The following CWC25 variants were observed in gnomAD, a reference collection of about 807,000 sequenced individuals.
The protein encoded by CWC25 is CWC25 spliceosome associated protein.
Under a neutral mutation model 54.6 loss-of-function variants are expected in CWC25, and 31 were observed. The ratio of observed to expected loss-of-function variants is 0.57; its 90% CI spans 0.43 to 0.77. The LOEUF (loss-of-function observed/expected upper bound fraction) is 0.77, where lower values mean the gene tolerates loss of function less well. Ranked by LOEUF, CWC25 falls within the 30% of genes least tolerant of loss-of-function variation. The pLI, the probability that CWC25 is intolerant of heterozygous loss-of-function variation, is 0.00. For missense variants in CWC25, 453 were observed against 529.3 expected, an observed-to-expected ratio of 0.86 and a Z score of 1.41; for synonymous variants, 151 against 187.0, an observed-to-expected ratio of 0.81 and a Z score of 1.57.
At chr17:38,806,271 G>A in intron 8 of CWC25, 26 bp downstream of exon 8, 5 of 1,581,636 alleles carry the variant, frequency 3.2e-6, no homozygotes, top group Non-Finnish European at 4.3e-6. Context: ...GCAAAATGTG[G>A]TTAATCAACT....
intron 3 of CWC25, among the ~76,000 whole-genome samples, chr17:38,813,124 G>A (rs1366701429): frequency 2.0e-5 from 3 of 151,500 alleles, no homozygotes; most frequent in Non-Finnish European, 4.4e-5. Context: ...TCCAGCCTGG[G>A]TGACACAGCA....
chr17:38,809,179 G>A (rs965958296), intron 6 of CWC25, among the ~76,000 whole-genome samples: 1 of 151,718 alleles, frequency 6.6e-6, no homozygotes, highest in African/African-American at 2.4e-5. Flanking sequence ...TGTAATCCCA[G>A]CACTTTGGGA....
At chr17:38,824,069 G>A (rs1055349093) in intron 1 of CWC25, among the ~76,000 whole-genome samples, 1 of 152,170 alleles carries the variant, frequency 6.6e-6, no homozygotes, top group African/African-American at 2.4e-5. Context: ...ATGGAGTCCT[G>A]GCACTCACTG....
rs751111766 is a variant in CWC25 at position 38,820,992 on chromosome 17, G to A, written c.100C>T (p.Arg34Trp). The change falls in exon 2 of 10, where the codon CGG (arginine) becomes TGG (tryptophan). Residue 34 changes from arginine to tryptophan, a missense_variant. Arg to Trp is a moderately radical substitution (Grantham distance 101). Around this residue, in one of 2 missense-constraint regions of CWC25, gnomAD observed 444 missense variants for 499.2 expected, o/e 0.89. Coordinates refer to ENST00000614790, the MANE Select transcript of CWC25 (RefSeq NM_017748.5). ...WKAEQKHEAE[R>W]KKIEELQREL... ...CGCTGAAGCTCCTCAATCTTCTTCC[G>A]CTCAGCCTCATGCTTCTGCTCGGCC... 15 of 1,613,708 alleles carry A rather than the reference G, an allele frequency of 9.3e-6. No homozygotes were observed. The highest frequency in any genetic ancestry group is 1.3e-5 in the Non-Finnish European group (15 of 1,179,898).
In CWC25 at chr17:38,801,815, G is replaced by C; in HGVS notation, c.*277C>G. ...GCATGATAAACATCACAACCCCAGGGAACAGCCTTCCAGAGTGGCACAAGC... is the reference window on the plus strand; with the variant it reads ...GCATGATAAACATCACAACCCCAGGCAACAGCCTTCCAGAGTGGCACAAGC... On this transcript the variant is annotated 3_prime_UTR_variant, in exon 10 of 10. Transcript: ENST00000614790. 1 of 318,512 alleles carries C rather than the reference G, an allele frequency of 3.1e-6. No homozygotes were observed. The highest frequency in any genetic ancestry group is 4.9e-5 in the Admixed American group (1 of 20,398). The allele number at this position is 318,512 out of a possible 1,614,324, so 19.7% of individuals were successfully genotyped here.
intron 7 of CWC25, 128 bp from the exon 8 acceptor site, chr17:38,806,523 G>A (rs1316800627): frequency 2.2e-6 from 2 of 889,328 alleles, no homozygotes; most frequent in African/African-American, 3.4e-5. Flanking sequence ...AAAAACAAAG[G>A]TATAGGGTTT....
chr17:38,802,914 A>G, intron 8 of CWC25, 53 bp from the exon 9 acceptor site: 2 of 1,605,954 alleles, frequency 1.2e-6, no homozygotes, highest in East Asian at 4.5e-5. Context: ...AAAAACCAGA[A>G]GCAGCACAAG....
At chr17:38,815,174 A>G (rs1254031312) in intron 2 of CWC25, 77 bp from the exon 3 acceptor site, 12 of 1,296,830 alleles carry the variant, frequency 9.3e-6, no homozygotes, top group Non-Finnish European at 1.3e-5. Context: ...AAACCTGGAC[A>G]CAAGGGAGAG....
In CWC25 at chr17:38,811,183, A is replaced by T. The variant is rs562594966; in HGVS notation, c.499-588T>A. ...GAGGCAGAGGTTGCAGTGAGCTGAGATCACGCCACTGCACTCCAGCAGCCT... is the reference window on the plus strand; with the variant it reads ...GAGGCAGAGGTTGCAGTGAGCTGAGTTCACGCCACTGCACTCCAGCAGCCT... On this transcript the variant is annotated intron_variant, in intron 4 of 9. Coordinates refer to ENST00000614790, the MANE Select transcript of CWC25 (RefSeq NM_017748.5). Among the ~76,000 whole-genome samples, 7 of 151,946 alleles carry T rather than the reference A, an allele frequency of 4.6e-5. No homozygotes were observed. In the South Asian group the frequency reaches 1.5e-3, roughly 32 times the overall value.
Position 38,800,835 on chromosome 17 carries a change from G to A in CWC25, c.*1257C>T, listed in dbSNP as rs1910982490. The A allele has an allele frequency of 6.6e-6, 1 of 152,240 alleles. No individual in the cohort carries two copies. Among genetic ancestry groups the A allele is most frequent in the South Asian group, 2.1e-4 (1 of 4,830 alleles). 9.4% of individuals were successfully genotyped at this position (152,240 alleles called of 1,614,324 possible). ...ATCTCGCTCTGTCACCCAGGCTGGA[G>A]TGCGGTGGCACAATCTCGGCTCACT... On this transcript the variant is annotated 3_prime_UTR_variant, in exon 10 of 10. Coordinates refer to ENST00000614790, the MANE Select transcript of CWC25 (RefSeq NM_017748.5).
chr17:38,817,537 C>A (rs1181673304), intron 2 of CWC25, among the ~76,000 whole-genome samples: 1 of 152,030 alleles, frequency 6.6e-6, no homozygotes, highest in African/African-American at 2.4e-5. Context: ...GCCTGTAATC[C>A]CAGCACTTTG....
rs982902490 is a variant in CWC25 at position 38,825,311 on chromosome 17, A to C, written c.-128T>G. On this transcript the variant is annotated 5_prime_UTR_variant, in exon 1 of 10. Transcript: ENST00000614790. ...CCAGGAGCCGTCAACTGCCAGTTTC[A>C]CCACCGCTCTAGAGGTCACTTCCGG... The C allele has an allele frequency of 1.0e-5, 10 of 978,276 alleles. No individual in the cohort carries two copies. Among genetic ancestry groups the C allele is most frequent in the African/African-American group, 6.6e-5 (4 of 60,232 alleles). The allele number at this position is 978,276 out of a possible 1,614,324, so 60.6% of individuals were successfully genotyped here.
At position 38,802,063 on chromosome 17, in the gene CWC25, AG is replaced by A. The variant is rs1228972452; in HGVS notation, c.*28del. 2 of 1,445,138 alleles carry A rather than the reference AG, an allele frequency of 1.4e-6. No homozygotes were observed. The highest frequency in any genetic ancestry group is 1.9e-6 in the Non-Finnish European group (2 of 1,030,132). 89.5% of individuals were successfully genotyped at this position (1,445,138 alleles called of 1,614,324 possible). On this transcript the variant is annotated 3_prime_UTR_variant, in exon 10 of 10. Coordinates refer to ENST00000614790, the MANE Select transcript of CWC25 (RefSeq NM_017748.5). ...GGTCAGCAGCTTCCCTGGAAAATGC[AG>A]GAAAACCAATAAGAGAGGGGACAGT...
intron 1 of CWC25, among the ~76,000 whole-genome samples, chr17:38,822,818 G>A (rs1911977079): frequency 6.6e-6 from 1 of 151,898 alleles, no homozygotes; most frequent in African/African-American, 2.4e-5. Context: ...CCATGTAAAG[G>A]GATTACAGGC....
At chr17:38,821,427 A>C (rs372267157) in intron 1 of CWC25, among the ~76,000 whole-genome samples, 1 of 152,138 alleles carries the variant, frequency 6.6e-6, no homozygotes. Flanking sequence ...GCGTGGTGGC[A>C]GGTGCGCCTG....
chr17:38,809,743 A>G lies in CWC25; in HGVS notation c.649T>C (p.Ser217Pro), dbSNP rs1911408327. 4 of 1,613,856 alleles carry G rather than the reference A, an allele frequency of 2.5e-6. No homozygotes were observed. Among genetic ancestry groups the G allele is most frequent in the Non-Finnish European group, 3.4e-6 (4 of 1,179,848 alleles). ...AGRSQKKMAN[S>P]SPVLSKVPGY... ...GGGACTTTGGACAAAACAGGGGAGG[A>G]ATTTGCCATCTTCTTCTGTGATCTA... is the stretch of plus-strand genomic sequence containing the variant. The change falls in exon 6 of 10, where the codon TCC becomes CCC. Residue 217 changes from serine (S) to proline (P), a missense_variant. This residue lies in a region of CWC25 where 444 missense variants were observed against 499.2 expected (regional missense o/e 0.89). Transcript: ENST00000614790.
intron 3 of CWC25, among the ~76,000 whole-genome samples, chr17:38,814,510 G>T (rs1007129560): frequency 3.3e-5 from 5 of 151,580 alleles, no homozygotes; most frequent in Non-Finnish European, 7.4e-5. Context: ...GGAGGCCGAG[G>T]CGGGCGGATC....
intron 5 of CWC25, chr17:38,810,182 C>A: frequency 2.2e-6 from 1 of 458,034 alleles, no homozygotes. Context: ...AACAGAGTCA[C>A]CCCCAGGATG....
chr17:38,812,678 A>T, intron 4 of CWC25, 117 bp downstream of exon 4: 1 of 613,534 alleles, frequency 1.6e-6, no homozygotes, highest in Non-Finnish European at 2.9e-6. Flanking sequence ...TCTCTAAAAG[A>T]CAAAAGTTTT....
Sources: allele counts gnomAD v4.1 joint callset (sites outside exome capture counted in the v4.1 genomes callset), GRCh38; gene constraint gnomAD v4.1.1; regional missense constraint gnomAD v4.1.1; transcripts MANE v1.5; gene names NCBI Gene and HGNC (gene_info 2026-07-23, HGNC 2026-07-21).